The following ADAMTS3 variants were observed in gnomAD, a reference collection of about 807,000 sequenced individuals.
ADAMTS3 encodes the protein ADAM metallopeptidase with thrombospondin type 1 motif 3.
In ADAMTS3, 73 loss-of-function variants were observed where a neutral mutation model predicts 129.0. The observed-to-expected ratio is 0.57, with a 90% CI of 0.47 to 0.69. The LOEUF (loss-of-function observed/expected upper bound fraction) is 0.69. ADAMTS3 is among the 30% of genes least tolerant of loss of function. ADAMTS3 has a pLI of 0.00. For missense variants in ADAMTS3, 1,457 were observed against 1,514.5 expected, an observed-to-expected ratio of 0.96 and a Z score of 0.63; for synonymous variants, 477 against 510.8, an observed-to-expected ratio of 0.93 and a Z score of 0.89.
At chr4:72,333,589 C>G (rs751609224) in intron 5 of ADAMTS3, among the ~76,000 whole-genome samples, 1 of 151,988 alleles carries the variant, frequency 6.6e-6, no homozygotes, top group Admixed American at 6.6e-5. Context: ...AAGCAGGAAC[C>G]GACCCTCAGT....
At chr4:72,358,432 C>T (rs550411302) in intron 4 of ADAMTS3, among the ~76,000 whole-genome samples, 1 of 151,968 alleles carries the variant, frequency 6.6e-6, no homozygotes, top group African/African-American at 2.4e-5. Context: ...CTGCAGGTCC[C>T]GAAACAGCTA....
intron 3 of ADAMTS3, among the ~76,000 whole-genome samples, chr4:72,526,605 T>TGG (rs1553920784): frequency 6.8e-6 from 1 of 146,118 alleles, no homozygotes; most frequent in African/African-American, 2.5e-5. Flanking sequence ...TGTGTGTGTG[T>TGG]AGAGTCCATG....
At chr4:72,304,142 T>A (rs1184514092) in intron 16 of ADAMTS3, 62 bp from the exon 17 acceptor site, 2 of 1,499,818 alleles carry the variant, frequency 1.3e-6, no homozygotes, top group South Asian at 2.3e-5. Flanking sequence ...GTGCTGAAGA[T>A]TCACAGCAAG....
At chr4:72,306,510 G>A (rs1033747431) in intron 15 of ADAMTS3, among the ~76,000 whole-genome samples, 5 of 151,702 alleles carry the variant, frequency 3.3e-5, no homozygotes, top group Non-Finnish European at 5.9e-5. Context: ...AGTCTAAGAG[G>A]GAAGTATAGA....
intron 10 of ADAMTS3, among the ~76,000 whole-genome samples, chr4:72,316,636 C>T (rs1163516295): frequency 2.0e-5 from 3 of 151,706 alleles, no homozygotes; most frequent in African/African-American, 4.8e-5. Flanking sequence ...TGCAGTGAGC[C>T]GAGATCAAGC....
intron 5 of ADAMTS3, among the ~76,000 whole-genome samples, chr4:72,335,721 T>C (rs1304084117): frequency 6.6e-6 from 1 of 152,182 alleles, no homozygotes; most frequent in Non-Finnish European, 1.5e-5. Flanking sequence ...ATAATTTCCA[T>C]CTTGCAATAT....
rs753507652 is a variant in ADAMTS3 at position 72,394,917 on chromosome 4, C to T, written c.661+19898G>A. 8.6e-4 allele frequency among the ~76,000 whole-genome samples: 130 copies of T among 151,250 alleles called. 3 individuals are homozygous for T. Among genetic ancestry groups the T allele is most frequent in the East Asian group, 1.2e-3 (6 of 5,154 alleles). ...TCACCCTTTTAGTCTCCAACATATA[C>T]GCACATTTGGCTTTTTTTTTTTTTG... is the stretch of plus-strand genomic sequence containing the variant. On this transcript the variant is annotated intron_variant, in intron 4 of 21. Coordinates refer to ENST00000286657, the MANE Select transcript of ADAMTS3 (RefSeq NM_014243.3).
At chr4:72,335,600 T>G (rs1367323874) in intron 5 of ADAMTS3, among the ~76,000 whole-genome samples, 1 of 152,188 alleles carries the variant, frequency 6.6e-6, no homozygotes, top group East Asian at 1.9e-4. Flanking sequence ...TGATTAGCTT[T>G]ACCACCTTAT....
At chr4:72,537,352 T>C (rs1721207220) in intron 3 of ADAMTS3, among the ~76,000 whole-genome samples, 1 of 152,154 alleles carries the variant, frequency 6.6e-6, no homozygotes, top group South Asian at 2.1e-4. Context: ...TTGTTGCAAA[T>C]CCCTCCTCAT....
rs577332718 is a variant in ADAMTS3, at chr4:72,431,086, C to T, written c.505-16115G>A. Among the ~76,000 whole-genome samples, 35 of 151,540 alleles carry T rather than the reference C, an allele frequency of 2.3e-4. 1 individual carries two copies. Among genetic ancestry groups the T allele is most frequent in the Middle Eastern group, 3.2e-3 (1 of 314 alleles). Reference sequence around the variant, plus strand: ...ACCATGGAGCAAAACAGAAATCAAACAACGGAAAGCAAAGAAAAAGTTCTA... The same window carrying T: ...ACCATGGAGCAAAACAGAAATCAAATAACGGAAAGCAAAGAAAAAGTTCTA... On this transcript the variant is annotated intron_variant, in intron 3 of 21. Transcript: ENST00000286657.
chr4:72,457,848 T>TTTG (rs35050154), intron 3 of ADAMTS3, among the ~76,000 whole-genome samples: 35,444 of 151,114 alleles, frequency 0.23, 4,464 homozygotes, highest in Non-Finnish European at 0.29. Flanking sequence ...ACTCTCTTGT[T>TTTG]TTGTTGTTGT....
At chr4:72,387,953 A>G (rs986815353) in intron 4 of ADAMTS3, among the ~76,000 whole-genome samples, 2 of 152,218 alleles carry the variant, frequency 1.3e-5, no homozygotes, top group Non-Finnish European at 2.9e-5. Context: ...AGATCAAAGT[A>G]TAAGAGCATA....
intron 5 of ADAMTS3, among the ~76,000 whole-genome samples, chr4:72,329,459 T>C (rs182919548): frequency 1.8e-4 from 27 of 152,276 alleles, no homozygotes; most frequent in African/African-American, 6.5e-4. Context: ...AGAACAGACA[T>C]TGTCATTGCT....
chr4:72,365,621 A>G (rs1720851364), intron 4 of ADAMTS3, among the ~76,000 whole-genome samples: 1 of 152,214 alleles, frequency 6.6e-6, no homozygotes, highest in Admixed American at 6.5e-5. Context: ...TATTTATAAC[A>G]TCAATTTTCT....
intron 4 of ADAMTS3, among the ~76,000 whole-genome samples, chr4:72,402,671 G>A (rs1252447421): frequency 1.3e-5 from 2 of 152,032 alleles, no homozygotes; most frequent in Non-Finnish European, 2.9e-5. Flanking sequence ...TATTTCTTTA[G>A]TATTATAAAG....
At chr4:72,507,473 C>T (rs545704542) in intron 3 of ADAMTS3, among the ~76,000 whole-genome samples, 1 of 152,282 alleles carries the variant, frequency 6.6e-6, no homozygotes, top group South Asian at 2.1e-4. Context: ...ATTGTGAGTC[C>T]TCTCACTATC....
chr4:72,330,222 T>C (rs1719810379), intron 5 of ADAMTS3, among the ~76,000 whole-genome samples: 1 of 152,108 alleles, frequency 6.6e-6, no homozygotes. Flanking sequence ...TTTCACCATG[T>C]TGGCCAGGCT....
chr4:72,413,593 A>C (rs1445575660), intron 4 of ADAMTS3, among the ~76,000 whole-genome samples: 2 of 152,044 alleles, frequency 1.3e-5, no homozygotes, highest in African/African-American at 4.8e-5. Flanking sequence ...GCATTCATTA[A>C]GCACCTATTT....
chr4:72,566,679 G>A (rs1181497122), intron 2 of ADAMTS3, among the ~76,000 whole-genome samples: 3 of 152,108 alleles, frequency 2.0e-5, no homozygotes, highest in Non-Finnish European at 4.4e-5. Context: ...TTCAGCCTCC[G>A]CATTCACAAC....
Sources: allele counts gnomAD v4.1 joint callset (sites outside exome capture counted in the v4.1 genomes callset), GRCh38; gene constraint gnomAD v4.1.1; transcripts MANE v1.5; gene names NCBI Gene and HGNC (gene_info 2026-07-23, HGNC 2026-07-21).